Variants in ZSWIM5 observed in about 807,000 individuals in gnomAD.
The protein encoded by ZSWIM5 is zinc finger SWIM-type containing 5, also known as zinc finger SWIM domain-containing protein 5.
A neutral mutation model predicts 119.6 loss-of-function variants in ZSWIM5; 55 were observed. That is an observed-to-expected ratio of 0.46 (90% confidence interval 0.37 to 0.58). The LOEUF (loss-of-function observed/expected upper bound fraction) is 0.58, where lower values mean the gene tolerates loss of function less well. ZSWIM5 is among the 20% of genes least tolerant of loss of function. The pLI, the probability that ZSWIM5 is intolerant of heterozygous loss-of-function variation, is 0.00. For synonymous variants in ZSWIM5, 537 were observed against 606.9 expected (o/e 0.88, Z 1.69); for missense variants, 1,193 against 1,512.8 (o/e 0.79, Z 3.51).
intron 1 of ZSWIM5, among the ~76,000 whole-genome samples, chr1:45,138,974 C>G (rs1330996648): frequency 6.6e-6 from 1 of 151,422 alleles, no homozygotes; most frequent in Non-Finnish European, 1.5e-5. Context: ...TCACTGCAAC[C>G]TCCGCCTCCT....
intron 1 of ZSWIM5, among the ~76,000 whole-genome samples, chr1:45,204,716 C>T (rs1015760038): frequency 1.3e-5 from 2 of 152,120 alleles, no homozygotes; most frequent in Non-Finnish European, 2.9e-5. Context: ...CCTTCAACTC[C>T]TTTCAAAAAT....
chr1:45,196,624 T>C (rs1256316907), intron 1 of ZSWIM5, among the ~76,000 whole-genome samples: 1 of 150,138 alleles, frequency 6.7e-6, no homozygotes, highest in Non-Finnish European at 1.5e-5. Flanking sequence ...GCTCCTGACC[T>C]CGTGATCTGA....
At chr1:45,199,799 T>C (rs1557797450) in intron 1 of ZSWIM5, among the ~76,000 whole-genome samples, 1 of 152,208 alleles carries the variant, frequency 6.6e-6, no homozygotes, top group Admixed American at 6.5e-5. Context: ...GTCCTTAGTT[T>C]AGGCTTTGAT....
chr1:45,118,751 AAAAAGAAAAG>A (rs1291385489), intron 1 of ZSWIM5, among the ~76,000 whole-genome samples: 1 of 150,126 alleles, frequency 6.7e-6, no homozygotes, highest in African/African-American at 2.5e-5. Context: ...AAAAAAAAAA[AAAAAGAAAAG>A]AAAAGAAAAG....
chr1:45,100,163 C>T (rs112847419), intron 1 of ZSWIM5, among the ~76,000 whole-genome samples: 3,126 of 152,200 alleles, frequency 0.021, 114 homozygotes, highest in African/African-American at 0.072. Flanking sequence ...TGTCTCAGCC[C>T]AAAATCTTCT....
At position 45,072,609 on chromosome 1, in the gene ZSWIM5, G is replaced by A. The variant is rs894669894; in HGVS notation, c.953-12362C>T. Among the ~76,000 whole-genome samples the A allele has an allele frequency of 2.0e-5, 3 of 151,994 alleles. No homozygotes were observed. Among genetic ancestry groups the A allele is most frequent in the African/African-American group, 4.8e-5 (2 of 41,258 alleles). ...TATCTGATTTTTGTATATGGCTAGA[G>A]ATAGGGGTCTAGTTTCATTTCTTCT... On this transcript the variant is annotated intron_variant, in intron 2 of 13. Coordinates refer to ENST00000359600, the MANE Select transcript of ZSWIM5 (RefSeq NM_020883.2). The surrounding 1 kb of genome is among the most constrained non-coding windows in gnomAD (Gnocchi z 4.1).
intron 1 of ZSWIM5, among the ~76,000 whole-genome samples, chr1:45,178,800 G>C (rs1049189028): frequency 2.0e-5 from 3 of 151,980 alleles, no homozygotes; most frequent in Non-Finnish European, 4.4e-5. Flanking sequence ...TTTTCACTTA[G>C]TAAGAACCTT....
At chr1:45,050,525 C>T (rs932019673) in intron 5 of ZSWIM5, among the ~76,000 whole-genome samples, 5 of 152,050 alleles carry the variant, frequency 3.3e-5, no homozygotes, top group African/African-American at 7.2e-5. Flanking sequence ...TGTCTGTAGG[C>T]GAGTGGGCTC....
chr1:45,206,077 G>T lies in ZSWIM5; in HGVS notation c.274C>A (p.Pro92Thr). 1.2e-6 allele frequency: 2 copies of T among 1,611,804 alleles called. No individual in the cohort carries two copies. The change falls in exon 1 of 14, where the codon CCC becomes ACC. Residue 92 changes from proline (P) to threonine (T), a missense_variant. By Grantham distance (38) the Pro-to-Thr change is conservative (BLOSUM62 -1). Around this residue, in one of 2 missense-constraint regions of ZSWIM5, gnomAD observed 232 missense variants for 222.9 expected, o/e 1.04. Transcript: ENST00000359600. ...CAGTAGACGATGCGGCGCTGCACGG[G>T]CTCCGGGATCCGCTCGAAGCGCTCC... ...VEERFERIPEPVQRRIVYWSF... is the reference protein window; with the variant it reads ...VEERFERIPETVQRRIVYWSF...
At chr1:45,075,826 T>G (rs1367514360) in intron 2 of ZSWIM5, among the ~76,000 whole-genome samples, 1 of 151,908 alleles carries the variant, frequency 6.6e-6, no homozygotes, top group East Asian at 1.9e-4. Flanking sequence ...GGTAACTTTC[T>G]CTGGTGATAT....
At chr1:45,186,167 C>A (rs533803105) in intron 1 of ZSWIM5, among the ~76,000 whole-genome samples, 1 of 147,614 alleles carries the variant, frequency 6.8e-6, no homozygotes, top group African/African-American at 2.5e-5. Flanking sequence ...AACCAAACAC[C>A]GCATGTTCTC....
intron 1 of ZSWIM5, among the ~76,000 whole-genome samples, chr1:45,132,518 T>A (rs190833380): frequency 9.8e-5 from 15 of 152,332 alleles, no homozygotes; most frequent in Non-Finnish European, 5.9e-5. Context: ...CTGTCACTTA[T>A]AAATTAAATA....
At chr1:45,104,750 G>A (rs1302699032) in intron 1 of ZSWIM5, among the ~76,000 whole-genome samples, 2 of 152,170 alleles carry the variant, frequency 1.3e-5, no homozygotes, top group African/African-American at 4.8e-5. Flanking sequence ...GCGGCCATCT[G>A]CTCCCCTCCC....
At chr1:45,068,489 T>G (rs1246397947) in intron 2 of ZSWIM5, among the ~76,000 whole-genome samples, 1 of 60,428 alleles carries the variant, frequency 1.7e-5, no homozygotes, top group Non-Finnish European at 3.3e-5. Flanking sequence ...AGAGCGAAAC[T>G]CCGTCTCAAA....
At chr1:45,023,811 C>T (rs751385916) in intron 11 of ZSWIM5, among the ~76,000 whole-genome samples, 6 of 152,122 alleles carry the variant, frequency 3.9e-5, no homozygotes, top group Non-Finnish European at 7.4e-5. Context: ...AGTAACTGTA[C>T]CATTTTGCAT....
At chr1:45,038,818 A>G in intron 8 of ZSWIM5, 118 bp downstream of exon 8, 1 of 1,265,496 alleles carries the variant, frequency 7.9e-7, no homozygotes, top group Non-Finnish European at 1.1e-6. Context: ...CTGGTCTTGA[A>G]CTCTTGAACT....
intron 1 of ZSWIM5, among the ~76,000 whole-genome samples, chr1:45,158,564 G>A (rs1471261814): frequency 6.6e-6 from 1 of 152,170 alleles, no homozygotes; most frequent in Non-Finnish European, 1.5e-5. Context: ...ATAACTAGCT[G>A]TAAGAATTTG....
intron 1 of ZSWIM5, among the ~76,000 whole-genome samples, chr1:45,198,683 ACTT>A (rs1646140507): frequency 6.6e-6 from 1 of 152,040 alleles, no homozygotes; most frequent in South Asian, 2.1e-4. Context: ...GCTCCTTCTG[ACTT>A]CTTTTTGTTC....
intron 2 of ZSWIM5, among the ~76,000 whole-genome samples, chr1:45,086,939 A>C (rs1005204077): frequency 7.0e-6 from 1 of 142,022 alleles, no homozygotes; most frequent in Non-Finnish European, 1.5e-5. Flanking sequence ...GCTGGAGTGC[A>C]GTGGCGTGAT....
Sources: allele counts gnomAD v4.1 joint callset (sites outside exome capture counted in the v4.1 genomes callset), GRCh38; gene constraint gnomAD v4.1.1; regional missense constraint gnomAD v4.1.1; non-coding constraint Gnocchi (gnomAD v3.1); transcripts MANE v1.5; gene names NCBI Gene and HGNC (gene_info 2026-07-23, HGNC 2026-07-21).